SGCD: variants seen among roughly 807,000 people sequenced by gnomAD.
SGCD encodes sarcoglycan delta.
In SGCD, 18 loss-of-function variants were observed where a neutral mutation model predicts 36.6. The observed-to-expected ratio is 0.49, with a 90% CI of 0.34 to 0.73. The LOEUF (loss-of-function observed/expected upper bound fraction) is 0.73. Among genes scored for constraint, SGCD ranks in the 30% least tolerant of loss-of-function variants. SGCD has a pLI of 0.01. For missense variants in SGCD, 387 were observed against 346.7 expected (o/e 1.12, Z -0.92); for synonymous variants, 133 against 130.6 (o/e 1.02, Z -0.12).
In SGCD at chr5:155,877,528, G is replaced by A. The variant is rs377420848; in HGVS notation, c.-282+7104G>A. ...GTATCTGTACTTGGTAAGTTAAAGAGGTTATGACAGTGCCCAGTTCAGAGT... is the reference window on the plus strand; with the variant it reads ...GTATCTGTACTTGGTAAGTTAAAGAAGTTATGACAGTGCCCAGTTCAGAGT... On this transcript the variant is annotated intron_variant, in intron 1 of 9. Transcript: ENST00000517913. Among the ~76,000 whole-genome samples the A allele has an allele frequency of 1.1e-4, 16 of 152,184 alleles. No homozygotes were observed. In the East Asian group the frequency reaches 2.3e-3, roughly 22 times the overall value.
chr5:156,118,244 T>C (rs1761950052), intron 2 of SGCD, among the ~76,000 whole-genome samples: 1 of 152,104 alleles, frequency 6.6e-6, no homozygotes, highest in African/African-American at 2.4e-5. Flanking sequence ...GGTGTGTTGG[T>C]GCACTGGCAT....
At chr5:156,028,694 C>G (rs1268789960) in intron 1 of SGCD, among the ~76,000 whole-genome samples, 1 of 152,038 alleles carries the variant, frequency 6.6e-6, no homozygotes, top group Non-Finnish European at 1.5e-5. Context: ...CCTAGATGAG[C>G]CATTAAAATA....
the SGCD span, among the ~76,000 whole-genome samples, chr5:155,834,250 C>T: frequency 2.0e-5 from 3 of 152,142 alleles, no homozygotes. Context: ...CCCCTCAGTA[C>T]CAAGAGCCTG....
intron 1 of SGCD, among the ~76,000 whole-genome samples, chr5:156,070,849 T>C (rs188377798): frequency 2.0e-5 from 3 of 152,162 alleles, no homozygotes; most frequent in Non-Finnish European, 4.4e-5. Flanking sequence ...TTCTTCCTGG[T>C]TTAGTCTTGG....
At chr5:156,501,919 G>C (rs1756472294) in intron 3 of SGCD, among the ~76,000 whole-genome samples, 1 of 151,904 alleles carries the variant, frequency 6.6e-6, no homozygotes, top group African/African-American at 2.4e-5. Context: ...CCCCCTATTG[G>C]GCTACTATAA....
At chr5:156,393,692 C>T in intron 3 of SGCD, 1 of 455,150 alleles carries the variant, frequency 2.2e-6, no homozygotes, top group Non-Finnish European at 4.4e-6. Context: ...ATCCATCTCC[C>T]AGAGCCATTG....
At chr5:156,327,883 C>T (rs374285234) in intron 1 of SGCD, among the ~76,000 whole-genome samples, 19 of 152,226 alleles carry the variant, frequency 1.2e-4, no homozygotes, top group African/African-American at 4.6e-4. Context: ...TAATCATTTC[C>T]AATTTTCTCA....
the SGCD span, among the ~76,000 whole-genome samples, chr5:155,830,532 C>A: frequency 6.6e-6 from 1 of 152,144 alleles, no homozygotes; most frequent in East Asian, 1.9e-4. Context: ...ATTGAACCAG[C>A]GTATTCAGCT....
intron 1 of SGCD, among the ~76,000 whole-genome samples, chr5:155,996,853 C>A (rs1758557155): frequency 9.8e-6 from 1 of 101,954 alleles, no homozygotes; most frequent in Non-Finnish European, 2.3e-5. Context: ...AATCTGATAT[C>A]TGGATGGATG....
intron 1 of SGCD, among the ~76,000 whole-genome samples, chr5:156,062,579 T>G (rs1760243669): frequency 1.2e-5 from 1 of 80,230 alleles, no homozygotes; most frequent in Non-Finnish European, 2.3e-5. Flanking sequence ...TTTCTCCGCA[T>G]CCTCTCCAGC....
the SGCD span, among the ~76,000 whole-genome samples, chr5:155,799,471 G>A: frequency 2.0e-5 from 3 of 150,218 alleles, no homozygotes; most frequent in Admixed American, 2.0e-4. Flanking sequence ...TTGGCTCACT[G>A]CAACCTTCGT....
At chr5:156,645,605 T>G (rs1272733364) in intron 6 of SGCD, among the ~76,000 whole-genome samples, 2 of 151,664 alleles carry the variant, frequency 1.3e-5, no homozygotes, top group Non-Finnish European at 2.9e-5. Flanking sequence ...TCTAGAGGAG[T>G]GATCAAAGGC....
At chr5:156,381,124 A>T (rs1330989751) in intron 3 of SGCD, among the ~76,000 whole-genome samples, 4 of 152,220 alleles carry the variant, frequency 2.6e-5, no homozygotes, top group African/African-American at 9.6e-5. Context: ...AAAGGAAGCC[A>T]GGGTGGAGGC....
intron 4 of SGCD, among the ~76,000 whole-genome samples, chr5:156,520,932 G>T (rs965612630): frequency 6.7e-6 from 1 of 150,296 alleles, no homozygotes; most frequent in African/African-American, 2.5e-5. Flanking sequence ...CAGGAGAATG[G>T]CATGAACCTG....
At chr5:156,715,518 T>A (rs1473535153) in intron 7 of SGCD, among the ~76,000 whole-genome samples, 2 of 152,222 alleles carry the variant, frequency 1.3e-5, no homozygotes, top group Non-Finnish European at 2.9e-5. Flanking sequence ...CATTTCATCA[T>A]CATCAATCTT....
At chr5:155,899,719 A>G (rs1323757672) in intron 1 of SGCD, among the ~76,000 whole-genome samples, 5 of 152,294 alleles carry the variant, frequency 3.3e-5, no homozygotes, top group South Asian at 4.1e-4. Context: ...ATGGAGGGCA[A>G]TGAGGTTGAA....
At chr5:156,501,151 G>A (rs367734638) in intron 3 of SGCD, among the ~76,000 whole-genome samples, 3 of 152,122 alleles carry the variant, frequency 2.0e-5, no homozygotes, top group African/African-American at 4.8e-5. Flanking sequence ...TAGAATTCAC[G>A]GGAGGCACAG....
chr5:156,482,226 G>T (rs111912456), intron 3 of SGCD, among the ~76,000 whole-genome samples: 4,091 of 151,940 alleles, frequency 0.027, 82 homozygotes, highest in Non-Finnish European at 0.04. Context: ...AGATCACTAT[G>T]ATTTCAGTTC....
chr5:155,869,629 G>A (rs1450167649), upstream of SGCD, among the ~76,000 whole-genome samples: 1 of 143,230 alleles, frequency 7.0e-6, no homozygotes, highest in Non-Finnish European at 1.5e-5. Flanking sequence ...TTATTAAGCT[G>A]TCTTCCTTTG....
Sources: gnomAD v4.1 joint callset for allele counts (sites outside exome capture counted in the v4.1 genomes callset) on GRCh38, gnomAD v4.1.1 for gene constraint, MANE v1.5 for transcripts, NCBI Gene and HGNC (gene_info 2026-07-23, HGNC 2026-07-21) for gene names.